Variants in POM121C observed in about 807,000 individuals in gnomAD.
The protein encoded by POM121C is nuclear envelope pore membrane protein POM 121C.
POM121C carries 20 observed loss-of-function variants against 66.4 expected under a neutral mutation model. The observed-to-expected ratio is 0.30, with a 90% CI of 0.21 to 0.44. The LOEUF is 0.44. POM121C is among the 20% of genes least tolerant of loss of function. The pLI is 1.00. For missense variants in POM121C, 580 were observed against 1,225.7 expected, an observed-to-expected ratio of 0.47 and a Z score of 7.87; for synonymous variants, 286 against 528.0, an observed-to-expected ratio of 0.54 and a Z score of 6.28.
At chr7:75,467,733 A>G (rs1362290086) in intron 3 of POM121C, among the ~76,000 whole-genome samples, 7 of 152,026 alleles carry the variant, frequency 4.6e-5, no homozygotes, top group Non-Finnish European at 7.4e-5. Flanking sequence ...TGTGCTAGGT[A>G]TTGGGGATAC....
At chr7:75,457,904 G>A (rs1335422048) in intron 3 of POM121C, among the ~76,000 whole-genome samples, 12 of 152,344 alleles carry the variant, frequency 7.9e-5, no homozygotes, top group African/African-American at 2.9e-4. Context: ...TTTAGAACAG[G>A]AGTGAAAGTT....
At chr7:75,481,415 C>T (rs1442172722) in intron 1 of POM121C, among the ~76,000 whole-genome samples, 1 of 152,060 alleles carries the variant, frequency 6.6e-6, no homozygotes, top group Non-Finnish European at 1.5e-5. Flanking sequence ...TCTGTTTAAA[C>T]CCATGAGCTC....
chr7:75,467,154 A>C (rs2116500710), intron 3 of POM121C, among the ~76,000 whole-genome samples: 1 of 152,362 alleles, frequency 6.6e-6, no homozygotes, highest in South Asian at 2.1e-4. Flanking sequence ...CAGTTTTAGA[A>C]AATGCAGTGT....
chr7:75,427,414 G>A (rs1789995937), intron 7 of POM121C, among the ~76,000 whole-genome samples: 1 of 147,912 alleles, frequency 6.8e-6, no homozygotes, highest in African/African-American at 2.5e-5. Flanking sequence ...CAGCCTGGGT[G>A]ACAGAGTGAG....
At chr7:75,468,893 G>T (rs1401923000) in intron 3 of POM121C, among the ~76,000 whole-genome samples, 1 of 152,110 alleles carries the variant, frequency 6.6e-6, no homozygotes, top group East Asian at 1.9e-4. Context: ...TGTTTTCAAA[G>T]AAAAAAATAA....
At chr7:75,441,690 G>C (rs1305972153) in intron 3 of POM121C, 43 bp from the exon 4 acceptor site, 6 of 1,478,048 alleles carry the variant, frequency 4.1e-6, no homozygotes, top group Middle Eastern at 3.5e-4. Flanking sequence ...AAGTATAAAA[G>C]AATGTCAAAA....
At position 75,486,196 on chromosome 7, in the gene POM121C, T is replaced by G. The variant is rs1672327004; in HGVS notation, c.-790A>C. ...CCCGCCTAGGTGCTGGTCCGGGCGG[T>G]CAGCATCCAGCCCCGCAGACTCGGT... On this transcript the variant is annotated 5_prime_UTR_variant, in exon 1 of 15. Transcript: ENST00000615331. 3.4e-6 allele frequency: 1 copy of G among 298,202 alleles called. No homozygotes were observed. The highest frequency in any genetic ancestry group is 2.4e-5 in the African/African-American group (1 of 42,086). The allele number at this position is 298,202 out of a possible 1,614,324, so 18.5% of individuals were successfully genotyped here. A position where few individuals can be genotyped will look rare whatever the true frequency, so the allele number is the denominator to read the frequency against.
intron 3 of POM121C, among the ~76,000 whole-genome samples, chr7:75,466,408 C>A (rs1248095351): frequency 6.6e-6 from 1 of 151,762 alleles, no homozygotes; most frequent in East Asian, 1.9e-4. Context: ...GAGTTCAACA[C>A]CAGCCTGGCC....
intron 3 of POM121C, among the ~76,000 whole-genome samples, chr7:75,460,996 G>T (rs140763729): frequency 0.012 from 1,795 of 152,236 alleles, 51 homozygotes; most frequent in African/African-American, 0.04. Context: ...TCCATGTTAG[G>T]TGGCTGGCTG....
At chr7:75,419,036 A>G (rs1789584805) in intron 14 of POM121C, 143 bp from the exon 15 acceptor site, 1 of 1,447,734 alleles carries the variant, frequency 6.9e-7, no homozygotes, top group Admixed American at 2.8e-5. Flanking sequence ...GAAACACTGT[A>G]CGGGAGGAGC....
At chr7:75,474,633 A>G in intron 3 of POM121C, 71 bp downstream of exon 3, 1 of 578,356 alleles carries the variant, frequency 1.7e-6, no homozygotes, top group South Asian at 1.9e-5. Flanking sequence ...GAATACATAT[A>G]AACAACTCTT....
chr7:75,464,273 C>A (rs1554477441), intron 3 of POM121C, among the ~76,000 whole-genome samples: 1 of 151,022 alleles, frequency 6.6e-6, no homozygotes, highest in African/African-American at 2.4e-5. Flanking sequence ...AATGTCTCAA[C>A]AAATGCAGAA....
intron 6 of POM121C, among the ~76,000 whole-genome samples, 185 bp from the exon 7 acceptor site, chr7:75,437,871 T>TA (rs1259549053): frequency 6.6e-6 from 1 of 152,244 alleles, no homozygotes; most frequent in Non-Finnish European, 1.5e-5. Context: ...ATTTAAAACT[T>TA]AAATGTATGA....
Position 75,486,218 on chromosome 7 carries a change from CG to C in POM121C, c.-813del, listed in dbSNP as rs1259572421. On this transcript the variant is annotated 5_prime_UTR_variant, in exon 1 of 15. Coordinates refer to ENST00000615331, the MANE Select transcript of POM121C (RefSeq NM_001099415.3). ...CGGTCAGCATCCAGCCCCGCAGACT[CG>C]GTGATTCTCGTCCACTAGAAGCCAA... 7 of 287,752 alleles carry C rather than the reference CG, an allele frequency of 2.4e-5. No individual in the cohort carries two copies. Among genetic ancestry groups the C allele is most frequent in the Non-Finnish European group, 6.8e-6 (1 of 148,072 alleles). 17.8% of individuals were successfully genotyped at this position (287,752 alleles called of 1,614,324 possible). A position where few individuals can be genotyped will look rare whatever the true frequency, so the allele number is the denominator to read the frequency against.
At chr7:75,476,451 T>C (rs1342936190) in intron 1 of POM121C, among the ~76,000 whole-genome samples, 3 of 152,132 alleles carry the variant, frequency 2.0e-5, no homozygotes, top group African/African-American at 7.2e-5. Flanking sequence ...CATTATCCTG[T>C]TATTTATAAA....
intron 5 of POM121C, among the ~76,000 whole-genome samples, chr7:75,440,364 G>A (rs1311638429): frequency 3.3e-5 from 5 of 151,226 alleles, no homozygotes; most frequent in African/African-American, 1.2e-4. Context: ...TCAGGAGTTT[G>A]AGACCATCCT....
chr7:75,442,058 G>A, intron 3 of POM121C: 1 of 1,291,248 alleles, frequency 7.7e-7, no homozygotes, highest in Non-Finnish European at 1.0e-6. Flanking sequence ...CGGATTTGAT[G>A]AAAATGCAAA....
intron 4 of POM121C, 82 bp from the exon 5 acceptor site, chr7:75,441,197 C>A (rs1281755129): frequency 3.2e-6 from 5 of 1,578,446 alleles, no homozygotes; most frequent in Non-Finnish European, 3.5e-6. Context: ...AGCTAACCAA[C>A]AGGCCAAAGT....
At chr7:75,438,891 C>G (rs1259350667) in intron 6 of POM121C, among the ~76,000 whole-genome samples, 1 of 152,158 alleles carries the variant, frequency 6.6e-6, no homozygotes, top group Non-Finnish European at 1.5e-5. Context: ...TGTGTATGTG[C>G]TTGGTTATTA....
Sources: allele counts gnomAD v4.1 joint callset (sites outside exome capture counted in the v4.1 genomes callset), GRCh38; gene constraint gnomAD v4.1.1; transcripts MANE v1.5; gene names NCBI Gene and HGNC (gene_info 2026-07-23, HGNC 2026-07-21).